ZNF729: variants seen among roughly 807,000 people sequenced by gnomAD.
The protein encoded by ZNF729 is zinc finger protein 729.
In ZNF729, 15 loss-of-function variants were observed where a neutral mutation model predicts 12.2. The observed-to-expected ratio is 1.23, with a 90% CI of 0.82 to 1.89. The LOEUF (loss-of-function observed/expected upper bound fraction) is 1.89, where lower values mean the gene tolerates loss of function less well. ZNF729 is among the 40% of genes most tolerant of loss of function. ZNF729 has a pLI of 0.00. For synonymous variants in ZNF729, 492 were observed against 476.3 expected, an observed-to-expected ratio of 1.03 and a Z score of -0.43; for missense variants, 1,540 against 1,456.7, an observed-to-expected ratio of 1.06 and a Z score of -0.93.
chr19:22,290,258 G>A (rs1395094850), intron 1 of ZNF729, among the ~76,000 whole-genome samples: 1 of 152,232 alleles, frequency 6.6e-6, no homozygotes, highest in Non-Finnish European at 1.5e-5. Flanking sequence ...GCCTTGGAAA[G>A]TTGGGGACCC....
chr19:22,298,626 G>C (rs2145046401), intron 1 of ZNF729, among the ~76,000 whole-genome samples: 1 of 152,196 alleles, frequency 6.6e-6, no homozygotes, highest in African/African-American at 2.4e-5. Flanking sequence ...TGATTCTCCT[G>C]CCTCAGCCTC....
At position 22,287,793 on chromosome 19, in the gene ZNF729, T is replaced by C. The variant is rs75975541; in HGVS notation, c.30+1238T>C. On this transcript the variant is annotated intron_variant, in intron 1 of 3. Coordinates refer to ENST00000601693, the MANE Select transcript of ZNF729 (RefSeq NM_001242680.2). ...AGTAAAATATAAAATTTCCAGTTCA[T>C]TGTTACCTTCCCAAATGTCAATTTT... Among the ~76,000 whole-genome samples the C allele has an allele frequency of 5.5e-3, 843 of 151,990 alleles. 11 individuals are homozygous for C. The highest frequency in any genetic ancestry group is 0.017 in the African/African-American group (689 of 41,432).
intron 2 of ZNF729, 94 bp downstream of exon 2, chr19:22,303,978 T>A: frequency 1.6e-6 from 2 of 1,282,084 alleles, no homozygotes; most frequent in Non-Finnish European, 2.1e-6. Flanking sequence ...ATGCTTACTA[T>A]AAATGAGTTT....
rs1348022920 is a variant in ZNF729, at chr19:22,316,049, A to G, written c.2632A>G (p.Lys878Glu). 1.2e-6 allele frequency: 2 copies of G among 1,610,702 alleles called. No individual in the cohort carries two copies. The highest frequency in any genetic ancestry group is 1.7e-6 in the Non-Finnish European group (2 of 1,179,592). ...RKHEIIHSGE[K>E]PYKCEECGKA... ...ACATGAGATAATTCATAGTGGAGAG[A>G]AACCATACAAATGTGAAGAATGTGG... The change falls in exon 4 of 4, where the codon AAA (lysine) becomes GAA (glutamate). Residue 878 changes from lysine (K) to glutamate (E), a missense_variant. Lys to Glu is a moderately conservative substitution (Grantham distance 56). Coordinates refer to ENST00000601693, the MANE Select transcript of ZNF729 (RefSeq NM_001242680.2).
intron 1 of ZNF729, among the ~76,000 whole-genome samples, chr19:22,287,351 C>G (rs1436120225): frequency 6.6e-6 from 1 of 151,822 alleles, no homozygotes; most frequent in East Asian, 1.9e-4. Flanking sequence ...GGTGCAACCT[C>G]CGCCTCCCGG....
intron 3 of ZNF729, among the ~76,000 whole-genome samples, chr19:22,306,076 A>G (rs1968373878): frequency 6.6e-6 from 1 of 152,100 alleles, no homozygotes; most frequent in African/African-American, 2.4e-5. Context: ...TTGGCCTCCC[A>G]AAGTCCTGGA....
At position 22,304,681 on chromosome 19, in the gene ZNF729, A is replaced by G. The variant is rs772715754; in HGVS notation, c.158-7A>G. The G allele has an allele frequency of 3.1e-6, 5 of 1,606,832 alleles. No individual in the cohort carries two copies. In the African/African-American group the frequency reaches 6.7e-5, roughly 22 times the overall value. ...AATATTTATGTTATTTATTTTTAAT[A>G]AAACAGGTATGGCTGTCTTTAAGCC... On this transcript the variant is annotated splice_region_variant and splice_polypyrimidine_tract_variant and intron_variant, in intron 2 of 3. Transcript: ENST00000601693.
rs754167314 is a variant in ZNF729 at position 22,315,045 on chromosome 19, C to T, written c.1628C>T (p.Pro543Leu). Residue 543 changes from proline (P) to leucine (L), a missense_variant, in exon 4 of 4, where the codon CCC becomes CTC. Coordinates refer to ENST00000601693, the MANE Select transcript of ZNF729 (RefSeq NM_001242680.2). ...NHQIIHTGEK[P>L]YKCEECGKAF... The stretch of plus-strand genomic sequence containing the variant: ...CAGATAATTCATACTGGAGAGAAAC[C>T]CTACAAATGTGAAGAATGTGGTAAA... The T allele has an allele frequency of 7.4e-6, 12 of 1,611,354 alleles. No individual in the cohort carries two copies. Among genetic ancestry groups the T allele is most frequent in the Non-Finnish European group, 9.3e-6 (11 of 1,179,752 alleles).
chr19:22,316,689 T>C lies in ZNF729; in HGVS notation c.3272T>C (p.Leu1091Pro). 2 of 1,612,540 alleles carry C rather than the reference T, an allele frequency of 1.2e-6. No homozygotes were observed. The highest frequency in any genetic ancestry group is 1.7e-6 in the Non-Finnish European group (2 of 1,179,738). Residue 1091 changes from leucine (L) to proline (P), a missense_variant, in exon 4 of 4, where the codon CTT becomes CCT. Physicochemically the swap from Leu to Pro is moderately conservative, Grantham distance 98. Transcript: ENST00000601693. ...CDKAFKHFSA[L>P]RKHKVIHTGK... The stretch of plus-strand genomic sequence containing the variant: ...AAAGCTTTTAAGCATTTCTCAGCCC[T>C]TAGAAAACATAAGGTAATTCATACT...
intron 3 of ZNF729, among the ~76,000 whole-genome samples, chr19:22,308,055 C>T (rs1968407160): frequency 6.6e-6 from 1 of 152,012 alleles, no homozygotes; most frequent in South Asian, 2.1e-4. Flanking sequence ...TCCACTGTAT[C>T]ATTCTTATGC....
chr19:22,304,221 A>G (rs1364586158), intron 2 of ZNF729, among the ~76,000 whole-genome samples: 4 of 152,092 alleles, frequency 2.6e-5, no homozygotes, highest in Admixed American at 2.0e-4. Context: ...TTGTATTTGT[A>G]GTAGAGATGG....
chr19:22,314,875 A>G lies in ZNF729; in HGVS notation c.1458A>G (p.Lys486=). ...TRHKAIHTGE[K]PYKCEECGKA... ...ATAAAGCAATTCATACTGGAGAGAAACCCTACAAATGTGAAGAATGTGGCA... is the reference window on the plus strand; with the variant it reads ...ATAAAGCAATTCATACTGGAGAGAAGCCCTACAAATGTGAAGAATGTGGCA... The change falls in exon 4 of 4, where the codon AAA becomes AAG. Residue 486 remains lysine (K), a synonymous_variant. Transcript: ENST00000601693. 1.2e-6 allele frequency: 2 copies of G among 1,613,606 alleles called. No homozygotes were observed. The highest frequency in any genetic ancestry group is 1.7e-6 in the Non-Finnish European group (2 of 1,179,898).
intron 1 of ZNF729, among the ~76,000 whole-genome samples, chr19:22,294,297 G>C (rs1210233118): frequency 6.6e-6 from 1 of 150,670 alleles, no homozygotes; most frequent in Non-Finnish European, 1.5e-5. Flanking sequence ...TTATTTCTGG[G>C]CTCTCTATTC....
At chr19:22,288,576 C>A (rs543953862) in intron 1 of ZNF729, among the ~76,000 whole-genome samples, 1 of 152,132 alleles carries the variant, frequency 6.6e-6, no homozygotes, top group Non-Finnish European at 1.5e-5. Flanking sequence ...TTCAGGGAAG[C>A]AGGCGGATGC....
intron 1 of ZNF729, among the ~76,000 whole-genome samples, chr19:22,293,267 T>A (rs556607524): frequency 2.0e-5 from 3 of 152,068 alleles, no homozygotes; most frequent in Non-Finnish European, 2.9e-5. Flanking sequence ...CAAACGGCAA[T>A]CTTCACCTCC....
intron 1 of ZNF729, among the ~76,000 whole-genome samples, chr19:22,287,253 A>G (rs770596573): frequency 1.6e-4 from 24 of 150,896 alleles, no homozygotes; most frequent in African/African-American, 5.1e-4. Context: ...AAAAAAATGC[A>G]CTTGAATTAG....
In ZNF729 at chr19:22,315,821, G is replaced by A; in HGVS notation, c.2404G>A (p.Gly802Ser). The A allele has an allele frequency of 6.2e-7, 1 of 1,610,700 alleles. No homozygotes were observed. Among genetic ancestry groups the A allele is most frequent in the Non-Finnish European group, 8.5e-7 (1 of 1,179,660 alleles). The change falls in exon 4 of 4, where the codon GGT (glycine) becomes AGT (serine). Residue 802 changes from glycine (G) to serine (S), a missense_variant. Coordinates refer to ENST00000601693, the MANE Select transcript of ZNF729 (RefSeq NM_001242680.2). ...GEKPYKCEEC[G>S]KAFKWSSKLT... ...GAAACCCTACAAGTGTGAAGAATGT[G>A]GTAAAGCTTTTAAGTGGTCCTCAAA...
In ZNF729 at chr19:22,315,108, T is replaced by G; in HGVS notation, c.1691T>G (p.Val564Gly). Residue 564 changes from valine to glycine, a missense_variant, in exon 4 of 4, where the codon GTA (valine) becomes GGA (glycine). Coordinates refer to ENST00000601693, the MANE Select transcript of ZNF729 (RefSeq NM_001242680.2). Reference sequence around the variant, plus strand: ...TCATCAAAACTTACTGTACATAAGGTAATTCATACTGGAGAGAAACCCTGC... The same window carrying G: ...TCATCAAAACTTACTGTACATAAGGGAATTCATACTGGAGAGAAACCCTGC... ...KWSSKLTVHK[V>G]IHTGEKPCKC... The G allele has an allele frequency of 6.2e-7, 1 of 1,610,312 alleles. No individual in the cohort carries two copies. The highest frequency in any genetic ancestry group is 8.5e-7 in the Non-Finnish European group (1 of 1,179,412).
intron 1 of ZNF729, among the ~76,000 whole-genome samples, chr19:22,296,109 C>G (rs1312168850): frequency 6.6e-6 from 1 of 152,062 alleles, no homozygotes; most frequent in East Asian, 1.9e-4. Context: ...TCATCTCTGC[C>G]AGGTTTTGGC....
Sources: allele counts gnomAD v4.1 joint callset (sites outside exome capture counted in the v4.1 genomes callset), GRCh38; gene constraint gnomAD v4.1.1; transcripts MANE v1.5; gene names NCBI Gene and HGNC (gene_info 2026-07-23, HGNC 2026-07-21).